DDX10: variants seen among roughly 807,000 people sequenced by gnomAD.
The protein encoded by DDX10 is probable ATP-dependent RNA helicase DDX10.
DDX10 carries 74 observed loss-of-function variants against 104.3 expected under a neutral mutation model. The ratio of observed to expected loss-of-function variants is 0.71; its 90% CI spans 0.59 to 0.86. The LOEUF (loss-of-function observed/expected upper bound fraction) is 0.86. Among genes scored for constraint, DDX10 ranks in the 40% least tolerant of loss-of-function variants. The pLI is 0.00. For synonymous variants in DDX10, 351 were observed against 353.4 expected, an observed-to-expected ratio of 0.99 and a Z score of 0.08; for missense variants, 952 against 1,040.0, an observed-to-expected ratio of 0.92 and a Z score of 1.16.
At chr11:108,812,753 G>T (rs1862200996) in intron 13 of DDX10, among the ~76,000 whole-genome samples, 1 of 152,014 alleles carries the variant, frequency 6.6e-6, no homozygotes, top group Non-Finnish European at 1.5e-5. Flanking sequence ...AGGCTGAGGT[G>T]GGTGGATCAC....
chr11:108,680,209 A>G (rs2094232732), intron 6 of DDX10, among the ~76,000 whole-genome samples: 2 of 152,112 alleles, frequency 1.3e-5, no homozygotes. Flanking sequence ...TAGTTGGGGA[A>G]ATTTTTATTT....
chr11:108,791,972 T>G (rs549988534), intron 13 of DDX10, among the ~76,000 whole-genome samples: 2 of 152,196 alleles, frequency 1.3e-5, no homozygotes, highest in Non-Finnish European at 2.9e-5. Context: ...TAAAAAAATA[T>G]AGTTATTCGA....
intron 10 of DDX10, among the ~76,000 whole-genome samples, chr11:108,711,146 A>T (rs1047866417): frequency 3.3e-5 from 5 of 152,204 alleles, no homozygotes; most frequent in Non-Finnish European, 7.3e-5. Context: ...ATGACTGTAT[A>T]TGCATTCAGT....
In DDX10 at chr11:108,747,415, CT is replaced by C. The variant is rs1450550917; in HGVS notation, c.1965+23957del. Among the ~76,000 whole-genome samples, 3 of 152,180 alleles carry C rather than the reference CT, an allele frequency of 2.0e-5. No homozygotes were observed. In the East Asian group the frequency reaches 5.8e-4, roughly 29 times the overall value. On this transcript the variant is annotated intron_variant, in intron 13 of 17. Coordinates refer to ENST00000322536, the MANE Select transcript of DDX10 (RefSeq NM_004398.4). ...TGCAGTGATTGATTAATGAGGTCCA[CT>C]TTTAGCATGGGATGGAAGAGTTTTG...
intron 16 of DDX10, among the ~76,000 whole-genome samples, chr11:108,866,304 T>C (rs1863007429): frequency 6.6e-6 from 1 of 152,058 alleles, no homozygotes; most frequent in South Asian, 2.1e-4. Flanking sequence ...TGGACAGGAG[T>C]GCCAAATGCC....
chr11:108,871,080 T>C (rs1354042332), intron 16 of DDX10, among the ~76,000 whole-genome samples: 1 of 152,176 alleles, frequency 6.6e-6, no homozygotes, highest in Non-Finnish European at 1.5e-5. Context: ...TGGACCCAGA[T>C]AGATATTAGC....
At chr11:108,839,538 A>G (rs1862607595) in intron 14 of DDX10, among the ~76,000 whole-genome samples, 1 of 152,246 alleles carries the variant, frequency 6.6e-6, no homozygotes, top group Admixed American at 6.5e-5. Context: ...TATTTCAATA[A>G]AATAACAGCT....
intron 13 of DDX10, among the ~76,000 whole-genome samples, chr11:108,725,134 C>T (rs2169563): frequency 0.12 from 18,663 of 151,938 alleles, 1,550 homozygotes; most frequent in East Asian, 0.27. Flanking sequence ...TTTAGCTTAA[C>T]GTTATTGCAT....
chr11:108,715,059 A>AC (rs2094289546), intron 10 of DDX10, among the ~76,000 whole-genome samples: 1 of 135,002 alleles, frequency 7.4e-6, no homozygotes. Context: ...CCTCTTTAAA[A>AC]TTTTTTTTTT....
intron 10 of DDX10, among the ~76,000 whole-genome samples, chr11:108,710,026 G>T (rs1187914858): frequency 6.6e-6 from 1 of 152,104 alleles, no homozygotes; most frequent in Non-Finnish European, 1.5e-5. Context: ...ACTGAATACT[G>T]TGGGCAATTG....
In DDX10 at chr11:108,817,753, A is replaced by G. The variant is rs566224857; in HGVS notation, c.1966-20693A>G. Among the ~76,000 whole-genome samples the G allele has an allele frequency of 7.9e-5, 12 of 152,342 alleles. No individual in the cohort carries two copies. In the South Asian group the frequency reaches 2.5e-3, roughly 32 times the overall value. ...GTAGGCTTAAAAAGTGCTTTTAAAT[A>G]TATTAAAATAGAAAACAGGAGGGCA... On this transcript the variant is annotated intron_variant, in intron 13 of 17. Coordinates refer to ENST00000322536, the MANE Select transcript of DDX10 (RefSeq NM_004398.4).
At chr11:108,887,507 C>T (rs369078524) in intron 16 of DDX10, among the ~76,000 whole-genome samples, 12 of 147,644 alleles carry the variant, frequency 8.1e-5, no homozygotes, top group South Asian at 4.7e-4. Context: ...AGTTTGTTAA[C>T]GCTCTGAGCA....
intron 6 of DDX10, among the ~76,000 whole-genome samples, chr11:108,685,045 GTTGT>G (rs1285005338): frequency 1.4e-5 from 2 of 140,680 alleles, no homozygotes; most frequent in East Asian, 2.2e-4. Context: ...TTTTGATGGG[GTTGT>G]TTGTTTTTTT....
At chr11:108,708,476 A>G (rs1435443570) in intron 10 of DDX10, among the ~76,000 whole-genome samples, 1 of 151,726 alleles carries the variant, frequency 6.6e-6, no homozygotes, top group East Asian at 1.9e-4. Context: ...ATTTATACCT[A>G]AATGTTTCAT....
intron 14 of DDX10, among the ~76,000 whole-genome samples, chr11:108,840,233 T>C (rs544681215): frequency 1.2e-4 from 19 of 152,208 alleles, no homozygotes; most frequent in Admixed American, 4.6e-4. Flanking sequence ...CATTGGTTGC[T>C]AAAAGTTGAG....
intron 16 of DDX10, among the ~76,000 whole-genome samples, chr11:108,856,582 C>T (rs1241102002): frequency 1.3e-5 from 2 of 152,032 alleles, no homozygotes; most frequent in East Asian, 3.8e-4. Context: ...TCTGACTCAA[C>T]AGTAGTTTCA....
In DDX10 at chr11:108,683,364, G is replaced by A. The variant is rs146576314; in HGVS notation, c.848+3804G>A. 2.2e-3 allele frequency among the ~76,000 whole-genome samples: 329 copies of A among 152,238 alleles called. 3 individuals are homozygous for A. Among genetic ancestry groups the A allele is most frequent in the African/African-American group, 7.4e-3 (306 of 41,534 alleles). ...AGTTTTCCTTCTCTCTGGGACTTGCGACTGATGTGTTTAGGCTTAAGGCTG... is the reference window on the plus strand; with the variant it reads ...AGTTTTCCTTCTCTCTGGGACTTGCAACTGATGTGTTTAGGCTTAAGGCTG... On this transcript the variant is annotated intron_variant, in intron 6 of 17. Transcript: ENST00000322536.
chr11:108,803,582 GAAAAA>G (rs34367715), intron 13 of DDX10, among the ~76,000 whole-genome samples: 45 of 22,442 alleles, frequency 2.0e-3, no homozygotes, highest in Admixed American at 8.9e-3. Context: ...CAACAAGAGC[GAAAAA>G]AAAAAAAAAA....
At chr11:108,729,593 T>C (rs565194606) in intron 13 of DDX10, among the ~76,000 whole-genome samples, 11 of 151,862 alleles carry the variant, frequency 7.2e-5, no homozygotes, top group East Asian at 1.9e-4. Context: ...TTTTTTTTTT[T>C]CCTCCATTAA....
Sources: allele counts gnomAD v4.1 joint callset (sites outside exome capture counted in the v4.1 genomes callset), GRCh38; gene constraint gnomAD v4.1.1; transcripts MANE v1.5; gene names NCBI Gene and HGNC (gene_info 2026-07-23, HGNC 2026-07-21).